EFNA5: variants seen among roughly 807,000 people sequenced by gnomAD.
The protein encoded by EFNA5 is ephrin A5.
Under a neutral mutation model 22.9 loss-of-function variants are expected in EFNA5, and 5 were observed. The ratio of observed to expected loss-of-function variants is 0.22; its 90% confidence interval spans 0.11 to 0.46. The LOEUF (loss-of-function observed/expected upper bound fraction) is 0.46. Ranked by LOEUF, EFNA5 falls within the 20% of genes least tolerant of loss-of-function variation. The pLI, the probability that EFNA5 is intolerant of heterozygous loss-of-function variation, is 0.99. For synonymous variants in EFNA5, 113 were observed against 112.2 expected, an observed-to-expected ratio of 1.01 and a Z score of -0.04; for missense variants, 237 against 293.3, an observed-to-expected ratio of 0.81 and a Z score of 1.40.
rs138850157 is a variant in EFNA5 at position 107,623,678 on chromosome 5, A to G, written c.125+46811T>C. ...TAATTTTTGCCTTATTACTTCCAAA[A>G]ACATTTTTTAAAAGAGGAGGGGGAG... On this transcript the variant is annotated intron_variant, in intron 1 of 4. Coordinates refer to ENST00000333274, the MANE Select transcript of EFNA5 (RefSeq NM_001962.3). Among the ~76,000 whole-genome samples the G allele has an allele frequency of 5.9e-3, 892 of 151,898 alleles. 1 individual carries two copies. Among genetic ancestry groups the G allele is most frequent in the Non-Finnish European group, 0.01 (708 of 67,922 alleles).
intron 1 of EFNA5, among the ~76,000 whole-genome samples, chr5:107,556,516 C>T (rs1462530180): frequency 2.0e-5 from 3 of 152,032 alleles, no homozygotes; most frequent in South Asian, 2.1e-4. Flanking sequence ...GAGGTTGAGG[C>T]GGGTGGATCA....
In EFNA5 at chr5:107,392,141, C is replaced by T. The variant is rs1043353560; in HGVS notation, c.419-4370G>A. Among the ~76,000 whole-genome samples the T allele has an allele frequency of 4.6e-5, 7 of 152,218 alleles. No individual in the cohort carries two copies. In the South Asian group the frequency reaches 8.3e-4, roughly 18 times the overall value. On this transcript the variant is annotated intron_variant, in intron 2 of 4. Transcript: ENST00000333274. ...AGACATAGTAGAGAACACATCCCTT[C>T]GGGTACTGCCATCATGCTTGTGGCG...
chr5:107,537,246 C>A (rs1580518622), intron 1 of EFNA5, among the ~76,000 whole-genome samples: 1 of 152,142 alleles, frequency 6.6e-6, no homozygotes, highest in South Asian at 2.1e-4. Flanking sequence ...GTAATCTCAA[C>A]ACTTTGGGAG....
chr5:107,566,718 G>A (rs960976321), intron 1 of EFNA5, among the ~76,000 whole-genome samples: 1 of 152,160 alleles, frequency 6.6e-6, no homozygotes, highest in Non-Finnish European at 1.5e-5. Flanking sequence ...TCAACCATAG[G>A]GGAAGCAGAG....
intron 1 of EFNA5, among the ~76,000 whole-genome samples, chr5:107,496,174 A>AC (rs1195789536): frequency 6.6e-6 from 1 of 150,694 alleles, no homozygotes; most frequent in South Asian, 2.1e-4. Flanking sequence ...TAAAAAAAAA[A>AC]AAAAAAAAAA....
At chr5:107,574,840 G>C (rs1177619559) in intron 1 of EFNA5, among the ~76,000 whole-genome samples, 2 of 152,218 alleles carry the variant, frequency 1.3e-5, no homozygotes, top group Non-Finnish European at 2.9e-5. Flanking sequence ...GTTTGATCTT[G>C]ACGGGGCTTA....
chr5:107,562,022 G>T (rs1454945287), intron 1 of EFNA5, among the ~76,000 whole-genome samples: 5 of 152,230 alleles, frequency 3.3e-5, no homozygotes, highest in Non-Finnish European at 4.4e-5. Flanking sequence ...ACCCTTGGCA[G>T]TTGAGGTCAG....
chr5:107,466,330 T>C (rs957470969), intron 1 of EFNA5, among the ~76,000 whole-genome samples: 2 of 152,088 alleles, frequency 1.3e-5, no homozygotes, highest in Non-Finnish European at 2.9e-5. Flanking sequence ...GAGATAATAC[T>C]TCATCCTCCC....
At chr5:107,434,131 T>C (rs1199096561) in intron 1 of EFNA5, among the ~76,000 whole-genome samples, 4 of 152,202 alleles carry the variant, frequency 2.6e-5, no homozygotes, top group African/African-American at 7.2e-5. Context: ...CTCCTAAGTA[T>C]TTCATTTTCA....
chr5:107,573,828 G>C (rs1017407457), intron 1 of EFNA5, among the ~76,000 whole-genome samples: 3 of 152,190 alleles, frequency 2.0e-5, no homozygotes, highest in Non-Finnish European at 4.4e-5. Flanking sequence ...ATCTGCACCA[G>C]TTTTGGGAAT....
At chr5:107,484,962 G>A (rs1276602714) in intron 1 of EFNA5, among the ~76,000 whole-genome samples, 1 of 146,286 alleles carries the variant, frequency 6.8e-6, no homozygotes, top group African/African-American at 2.5e-5. Flanking sequence ...GAAAAATGAA[G>A]AAATTTCAGA....
At chr5:107,459,842 T>C (rs1173895334) in intron 1 of EFNA5, among the ~76,000 whole-genome samples, 1 of 152,134 alleles carries the variant, frequency 6.6e-6, no homozygotes, top group Admixed American at 6.6e-5. Context: ...TAAGGGCAGC[T>C]TGACTGGAGT....
At chr5:107,574,893 A>G (rs907792597) in intron 1 of EFNA5, among the ~76,000 whole-genome samples, 5 of 152,206 alleles carry the variant, frequency 3.3e-5, no homozygotes, top group Non-Finnish European at 7.3e-5. Context: ...CATATTAAAA[A>G]ATGCAGTTGC....
At chr5:107,657,744 C>A (rs1290883933) in intron 1 of EFNA5, among the ~76,000 whole-genome samples, 1 of 152,046 alleles carries the variant, frequency 6.6e-6, no homozygotes, top group African/African-American at 2.4e-5. Context: ...TAAAAATAAT[C>A]ATTCCATAGA....
intron 1 of EFNA5, among the ~76,000 whole-genome samples, chr5:107,650,574 A>G (rs927295319): frequency 6.6e-6 from 1 of 152,196 alleles, no homozygotes; most frequent in Non-Finnish European, 1.5e-5. Flanking sequence ...ATGTGCTTAT[A>G]ATACAGAAAG....
chr5:107,392,224 T>C (rs953423383), intron 2 of EFNA5, among the ~76,000 whole-genome samples: 1 of 152,122 alleles, frequency 6.6e-6, no homozygotes, highest in East Asian at 1.9e-4. Flanking sequence ...GTCCTTTGTA[T>C]AATCCCCTCC....
At chr5:107,562,544 T>G (rs1411131138) in intron 1 of EFNA5, among the ~76,000 whole-genome samples, 2 of 152,168 alleles carry the variant, frequency 1.3e-5, no homozygotes, top group Admixed American at 1.3e-4. Flanking sequence ...ATAGTATAAT[T>G]GGTATGTTCT....
In EFNA5 at chr5:107,601,246, T is replaced by C. The variant is rs147976513; in HGVS notation, c.125+69243A>G. Reference sequence around the variant, plus strand: ...GACTGTCCACAATGTTTTGGCCGCATTGGCAAAGAACTCATGACGCAATCT... The same window carrying C: ...GACTGTCCACAATGTTTTGGCCGCACTGGCAAAGAACTCATGACGCAATCT... On this transcript the variant is annotated intron_variant, in intron 1 of 4. Coordinates refer to ENST00000333274, the MANE Select transcript of EFNA5 (RefSeq NM_001962.3). Among the ~76,000 whole-genome samples the C allele has an allele frequency of 2.0e-5, 3 of 152,254 alleles. No homozygotes were observed. In the South Asian group the frequency reaches 6.2e-4, roughly 31 times the overall value.
rs577504970 is a variant in EFNA5 at position 107,575,703 on chromosome 5, T to C, written c.125+94786A>G. Among the ~76,000 whole-genome samples the C allele has an allele frequency of 2.6e-5, 4 of 152,294 alleles. No homozygotes were observed. In the South Asian group the frequency reaches 8.3e-4, roughly 32 times the overall value. On this transcript the variant is annotated intron_variant, in intron 1 of 4. Transcript: ENST00000333274. Reference sequence around the variant, plus strand: ...ACATAGTCCTTACCCTTGAGGAGTTTACATTCCACTATGAGAATTGGGCCA... The same window carrying C: ...ACATAGTCCTTACCCTTGAGGAGTTCACATTCCACTATGAGAATTGGGCCA...
Sources: gnomAD v4.1 joint callset for allele counts (sites outside exome capture counted in the v4.1 genomes callset) on GRCh38, gnomAD v4.1.1 for gene constraint, MANE v1.5 for transcripts, NCBI Gene and HGNC (gene_info 2026-07-23, HGNC 2026-07-21) for gene names.